Variants in TMEM63A observed in about 807,000 individuals in gnomAD.
TMEM63A encodes the protein mechanosensitive cation channel TMEM63A.
In TMEM63A, 76 loss-of-function variants were observed where a neutral mutation model predicts 100.6. That is an observed-to-expected ratio of 0.76 (90% confidence interval 0.63 to 0.91). The LOEUF (loss-of-function observed/expected upper bound fraction) is 0.91. TMEM63A is among the 40% of genes least tolerant of loss of function. The probability of loss-of-function intolerance (pLI) is 0.00; values close to 1 mark genes in which losing one functional copy is unlikely to be tolerated. For synonymous variants in TMEM63A, 401 were observed against 401.1 expected, an observed-to-expected ratio of 1.00 and a Z score of 0.00; for missense variants, 876 against 1,008.8, an observed-to-expected ratio of 0.87 and a Z score of 1.78.
chr1:225,857,499 T>C (rs566962418), intron 15 of TMEM63A, among the ~76,000 whole-genome samples: 6 of 152,048 alleles, frequency 3.9e-5, no homozygotes, highest in Non-Finnish European at 7.4e-5. Flanking sequence ...CATGAGCTGA[T>C]TGACTTATTA....
downstream of TMEM63A, chr1:225,841,240 A>G (rs1668383530): frequency 6.6e-6 from 1 of 152,108 alleles, no homozygotes; most frequent in Non-Finnish European, 1.5e-5. Context: ...CTTTTGCTCA[A>G]TATTATGTTT....
Position 225,871,124 on chromosome 1 carries a change from A to G in TMEM63A, c.334-11T>C. The G allele has an allele frequency of 6.2e-7, 1 of 1,613,684 alleles. No homozygotes were observed. Among genetic ancestry groups the G allele is most frequent in the African/African-American group, 1.3e-5 (1 of 75,052 alleles). ...CCAGGGACAGCATCCCTGGAAACGGAGAGAACAGGGATTAGCTTCCAACAT... is the reference window on the plus strand; with the variant it reads ...CCAGGGACAGCATCCCTGGAAACGGGGAGAACAGGGATTAGCTTCCAACAT... On this transcript the variant is annotated splice_polypyrimidine_tract_variant and intron_variant, in intron 5 of 24. Coordinates refer to ENST00000366835, the MANE Select transcript of TMEM63A (RefSeq NM_014698.3).
chr1:225,881,871 A>T (rs1671106599), intron 1 of TMEM63A, among the ~76,000 whole-genome samples: 1 of 143,110 alleles, frequency 7.0e-6, no homozygotes, highest in Admixed American at 6.9e-5. Flanking sequence ...GTGGTCACCC[A>T]GGAACAGCCC....
chr1:225,846,871 C>G lies in TMEM63A; in HGVS notation c.*68G>C. 1 of 806,498 alleles carries G rather than the reference C, an allele frequency of 1.2e-6. No individual in the cohort carries two copies. The highest frequency in any genetic ancestry group is 1.8e-6 in the Non-Finnish European group (1 of 541,848). The allele number at this position is 806,498 out of a possible 1,614,324, so 50.0% of individuals were successfully genotyped here. On this transcript the variant is annotated 3_prime_UTR_variant, in exon 25 of 25. Coordinates refer to ENST00000366835, the MANE Select transcript of TMEM63A (RefSeq NM_014698.3). ...TCAGCTGGGCAGTCCCAACGCATTC[C>G]CACTCAGCCAAGGGCCTGAGCCCCA...
intron 15 of TMEM63A, among the ~76,000 whole-genome samples, chr1:225,857,413 G>A (rs1669695730): frequency 6.9e-6 from 1 of 145,508 alleles, no homozygotes; most frequent in Admixed American, 6.7e-5. Flanking sequence ...TGCCTGCTCA[G>A]CTCCCACTGT....
chr1:225,874,626 C>A (rs923498499), intron 3 of TMEM63A, among the ~76,000 whole-genome samples: 1 of 152,222 alleles, frequency 6.6e-6, no homozygotes, highest in African/African-American at 2.4e-5. Flanking sequence ...TTGCCTGGAG[C>A]CTGCCTAGTT....
In TMEM63A at chr1:225,867,736, A is replaced by G. The variant is rs1670284742; in HGVS notation, c.514+152T>C. On this transcript the variant is annotated intron_variant, in intron 7 of 24. Coordinates refer to ENST00000366835, the MANE Select transcript of TMEM63A (RefSeq NM_014698.3). The surrounding 1 kb of genome is among the most constrained non-coding windows in gnomAD (Gnocchi z 4.6). ...AGCCTAGGTTTGCTCCAGATCTTTAATCAGATAGAAATGTTCAGAGTCACC... is the reference window on the plus strand; with the variant it reads ...AGCCTAGGTTTGCTCCAGATCTTTAGTCAGATAGAAATGTTCAGAGTCACC... The G allele has an allele frequency of 2.7e-6, 3 of 1,103,676 alleles. No homozygotes were observed. Among genetic ancestry groups the G allele is most frequent in the Non-Finnish European group, 3.8e-6 (3 of 796,898 alleles). 68.4% of individuals were successfully genotyped at this position (1,103,676 alleles called of 1,614,324 possible). A position where few individuals can be genotyped will look rare whatever the true frequency, so the allele number is the denominator to read the frequency against.
In TMEM63A at chr1:225,845,711, A is replaced by C; in HGVS notation, c.*1228T>G. The C allele has an allele frequency of 1.7e-5, 6 of 349,358 alleles. No individual in the cohort carries two copies. Among genetic ancestry groups the C allele is most frequent in the Non-Finnish European group, 2.7e-5 (5 of 184,124 alleles). 21.6% of individuals were successfully genotyped at this position (349,358 alleles called of 1,614,324 possible). On this transcript the variant is annotated 3_prime_UTR_variant, in exon 25 of 25. Transcript: ENST00000366835. ...GGCCAGGGCTATGCTGCACCAGACC[A>C]ATGGCACCGCCCCCACCCCTCCCAG...
intron 2 of TMEM63A, among the ~76,000 whole-genome samples, chr1:225,878,888 A>C (rs6672502): frequency 2.7e-4 from 8 of 29,562 alleles, no homozygotes; most frequent in East Asian, 1.6e-3. Context: ...ACCTACCTAC[A>C]CACACACACA....
At chr1:225,858,333 T>G (rs571562861) in intron 15 of TMEM63A, among the ~76,000 whole-genome samples, 2,467 of 149,540 alleles carry the variant, frequency 0.016, 103 homozygotes, top group African/African-American at 0.057. Flanking sequence ...TTTTTTTTTT[T>G]TTTTTTTTTG....
chr1:225,845,364 C>G (rs374252395), downstream of TMEM63A: 18 of 1,563,824 alleles, frequency 1.2e-5, no homozygotes, highest in East Asian at 1.2e-4. Context: ...CCTCTCCCCC[C>G]GCCTGCCACC....
At chr1:225,861,891 G>GGGC (rs1450520679) in intron 13 of TMEM63A, 17 of 364,924 alleles carry the variant, frequency 4.7e-5, no homozygotes, top group Middle Eastern at 8.1e-4. Flanking sequence ...ATCTCCCCTG[G>GGGC]GGCAAGGCTG....
downstream of TMEM63A, chr1:225,842,302 C>T: frequency 1.4e-5 from 18 of 1,253,488 alleles, no homozygotes; most frequent in Middle Eastern, 2.2e-3. Flanking sequence ...ACACATCACA[C>T]CTGAAGCTCC....
chr1:225,866,861 G>A, intron 8 of TMEM63A, 179 bp from the exon 9 acceptor site: 1 of 683,320 alleles, frequency 1.5e-6, no homozygotes. Context: ...GAATACTTCA[G>A]AGGGGTCCCC....
chr1:225,875,254 G>A (rs1182526790), intron 3 of TMEM63A, among the ~76,000 whole-genome samples: 1 of 152,140 alleles, frequency 6.6e-6, no homozygotes, highest in African/African-American at 2.4e-5. Context: ...GCAAGCTTGT[G>A]TCCAATGGCA....
intron 4 of TMEM63A, among the ~76,000 whole-genome samples, chr1:225,873,193 G>T (rs1670606398): frequency 6.6e-6 from 1 of 152,112 alleles, no homozygotes; most frequent in Non-Finnish European, 1.5e-5. Context: ...GCACAGCCAG[G>T]GATACAGCAG....
chr1:225,842,356 T>TCCCCGCC (rs1668500795), downstream of TMEM63A: 1 of 1,597,680 alleles, frequency 6.3e-7, no homozygotes, highest in Admixed American at 1.7e-5. Context: ...TGCTCCCCGC[T>TCCCCGCC]CCCCGCCAGG....
At chr1:225,868,763 C>G (rs1425105441) in intron 6 of TMEM63A, among the ~76,000 whole-genome samples, 1 of 152,080 alleles carries the variant, frequency 6.6e-6, no homozygotes, top group Non-Finnish European at 1.5e-5. Flanking sequence ...CTGTCTCCCC[C>G]TCAGATGGAG....
At chr1:225,857,379 C>CGGGGG (rs369068747) in intron 15 of TMEM63A, among the ~76,000 whole-genome samples, 4 of 112,768 alleles carry the variant, frequency 3.5e-5, no homozygotes, top group African/African-American at 1.8e-4. Context: ...TCCTGGCCGG[C>CGGGGG]GGGGCGGGGG....
Sources: gnomAD v4.1 joint callset for allele counts (sites outside exome capture counted in the v4.1 genomes callset) on GRCh38, gnomAD v4.1.1 for gene constraint, Gnocchi (gnomAD v3.1) non-coding constraint, MANE v1.5 for transcripts, NCBI Gene and HGNC (gene_info 2026-07-23, HGNC 2026-07-21) for gene names.